The following SEMA3A variants were observed in gnomAD, a reference collection of about 807,000 sequenced individuals.
The protein encoded by SEMA3A is semaphorin-3A.
SEMA3A carries 29 observed loss-of-function variants against 97.9 expected under a neutral mutation model. The ratio of observed to expected loss-of-function variants is 0.30; its 90% CI spans 0.22 to 0.40. The LOEUF is 0.40. Among genes scored for constraint, SEMA3A ranks in the 10% least tolerant of loss-of-function variants. SEMA3A has a pLI of 1.00. For missense variants in SEMA3A, 763 were observed against 951.3 expected (o/e 0.80, Z 2.60); for synonymous variants, 321 against 323.7 (o/e 0.99, Z 0.09).
intron 1 of SEMA3A, among the ~76,000 whole-genome samples, chr7:84,373,488 T>A (rs1015568186): frequency 1.3e-5 from 2 of 152,188 alleles, no homozygotes; most frequent in Non-Finnish European, 2.9e-5. Flanking sequence ...TCTGAAATAA[T>A]ATGAGATCAG....
At chr7:84,266,115 T>G (rs1222690035) in intron 3 of SEMA3A, among the ~76,000 whole-genome samples, 1 of 151,764 alleles carries the variant, frequency 6.6e-6, no homozygotes, top group African/African-American at 2.4e-5. Context: ...GGTCAGGAGT[T>G]CAAGACCAGC....
At chr7:84,402,170 C>T (rs1476818810) in intron 1 of SEMA3A, among the ~76,000 whole-genome samples, 2 of 151,948 alleles carry the variant, frequency 1.3e-5, no homozygotes, top group African/African-American at 2.4e-5. Context: ...CAAAACAAAA[C>T]AAAATCTAAT....
chr7:84,002,534 A>G (rs961784399), intron 11 of SEMA3A, among the ~76,000 whole-genome samples: 1 of 152,170 alleles, frequency 6.6e-6, no homozygotes, highest in African/African-American at 2.4e-5. Flanking sequence ...AATGCAAGGA[A>G]TGTTGTCAAG....
intron 2 of SEMA3A, among the ~76,000 whole-genome samples, chr7:84,330,379 T>C (rs1212013389): frequency 6.6e-6 from 1 of 152,048 alleles, no homozygotes; most frequent in African/African-American, 2.4e-5. Context: ...AATTAGGAAT[T>C]CTAATATCAA....
intron 4 of SEMA3A, among the ~76,000 whole-genome samples, chr7:84,104,619 A>T (rs1248181748): frequency 1.3e-5 from 2 of 152,140 alleles, no homozygotes; most frequent in Non-Finnish European, 2.9e-5. Context: ...GGATTTTGGT[A>T]TCTATTTTTT....
rs974054587 is a variant in SEMA3A at position 84,390,329 on chromosome 7, T to G, written c.-245-18429A>C. 5.2e-5 allele frequency among the ~76,000 whole-genome samples: 6 copies of G among 114,508 alleles called. No homozygotes were observed. In the East Asian group the frequency reaches 1.5e-3, roughly 28 times the overall value. The allele number at this position is 114,508 out of a possible 152,430, so 75.1% of individuals were successfully genotyped here. A position where few individuals can be genotyped will look rare whatever the true frequency, so the allele number is the denominator to read the frequency against. Reference sequence around the variant, plus strand: ...TTTTTAATTGAAAAAGCTTGTGATATTCAAGAATTATTATTATTATTATTA... The same window carrying G: ...TTTTTAATTGAAAAAGCTTGTGATAGTCAAGAATTATTATTATTATTATTA... On this transcript the variant is annotated intron_variant, in intron 1 of 3. Coordinates refer to the SEMA3A transcript ENST00000424555.
chr7:83,961,590 C>A lies in SEMA3A; in HGVS notation c.2097G>T (p.Gln699His), dbSNP rs747166550. ...KEMSNSMTPSQKVWYRDFMQL... is the reference protein window; with the variant it reads ...KEMSNSMTPSHKVWYRDFMQL... ...GCATGAAGTCTCTGTACCAGACCTT[C>A]TGGCTAGGTGTCATGCTATTGGACA... Residue 699 changes from glutamine to histidine, a missense_variant, in exon 17 of 17, where the codon CAG becomes CAT. Physicochemically the swap from Gln to His is conservative, Grantham distance 24. This residue lies in a region of SEMA3A where 678 missense variants were observed against 881.3 expected (regional missense o/e 0.77). Coordinates refer to ENST00000265362, the MANE Select transcript of SEMA3A (RefSeq NM_006080.3). 23 of 1,613,964 alleles carry A rather than the reference C, an allele frequency of 1.4e-5. 1 individual carries two copies. In the Admixed American group the frequency reaches 3.8e-4, roughly 27 times the overall value.
Position 84,221,049 on chromosome 7 carries a change from A to G in SEMA3A, c.-82-26381T>C, listed in dbSNP as rs576009088. On this transcript the variant is annotated intron_variant, in intron 3 of 3. Coordinates refer to the SEMA3A transcript ENST00000424555. ...TCTACTATGAAAATCTGTTTAGTGT[A>G]GTCACCTTCATCAATTACTTAGCTA... 3.9e-5 allele frequency among the ~76,000 whole-genome samples: 6 copies of G among 152,290 alleles called. No individual in the cohort carries two copies. The South Asian group carries it at 6.2e-4, about 16-fold the overall frequency.
At position 84,401,850 on chromosome 7, in the gene SEMA3A, A is replaced by G. The variant is rs1238510695; in HGVS notation, c.-245-29950T>C. 2.0e-5 allele frequency among the ~76,000 whole-genome samples: 3 copies of G among 152,230 alleles called. No individual in the cohort carries two copies. The East Asian group carries it at 5.8e-4, about 29-fold the overall frequency. On this transcript the variant is annotated intron_variant, in intron 1 of 3. Coordinates refer to the SEMA3A transcript ENST00000424555. ...GACCCCTTTATCTGTCATCATATAA[A>G]AAATCAACTCTGGGTTAAAGACAAA...
intron 4 of SEMA3A, among the ~76,000 whole-genome samples, chr7:84,069,661 A>C (rs767392021): frequency 2.0e-5 from 3 of 152,120 alleles, no homozygotes; most frequent in Non-Finnish European, 4.4e-5. Context: ...AATATGAGAC[A>C]TTCTTTCAAA....
chr7:84,414,101 A>G (rs1352462330), intron 1 of SEMA3A, among the ~76,000 whole-genome samples: 2 of 152,094 alleles, frequency 1.3e-5, no homozygotes, highest in Non-Finnish European at 2.9e-5. Flanking sequence ...CCCCGCACCA[A>G]CTTGAGCAAT....
chr7:83,977,281 T>A lies in SEMA3A; in HGVS notation c.1653-85A>T, dbSNP rs996894. 0.015 allele frequency: 6,461 copies of A among 437,736 alleles called. 320 individuals are homozygous for A. The highest frequency in any genetic ancestry group is 0.12 in the African/African-American group (5,611 of 48,558). The allele number at this position is 437,736 out of a possible 1,614,324, so 27.1% of individuals were successfully genotyped here. A position where few individuals can be genotyped will look rare whatever the true frequency, so the allele number is the denominator to read the frequency against. ...GTCATAAGAATGAAGAGAAATAAAA[T>A]ATATATATATATATCATAGACTCTA... On this transcript the variant is annotated intron_variant, in intron 14 of 16. Transcript: ENST00000265362.
intron 2 of SEMA3A, among the ~76,000 whole-genome samples, chr7:84,133,113 G>T (rs934546170): frequency 3.3e-5 from 5 of 152,062 alleles, no homozygotes; most frequent in African/African-American, 1.2e-4. Flanking sequence ...AGTATTTTTC[G>T]ATAATAGATA....
At chr7:84,412,079 A>G (rs1000413406) in intron 1 of SEMA3A, among the ~76,000 whole-genome samples, 23 of 152,174 alleles carry the variant, frequency 1.5e-4, no homozygotes, top group Non-Finnish European at 3.4e-4. Flanking sequence ...GAACTCCTAG[A>G]TGCCATTTAT....
At chr7:84,012,417 C>T (rs998608675) in intron 7 of SEMA3A, among the ~76,000 whole-genome samples, 6 of 152,026 alleles carry the variant, frequency 3.9e-5, no homozygotes, top group South Asian at 2.1e-4. Context: ...TGAATGGATT[C>T]GTTTTGTTTT....
At chr7:84,323,373 T>G (rs1167620977) in intron 2 of SEMA3A, among the ~76,000 whole-genome samples, 1 of 152,120 alleles carries the variant, frequency 6.6e-6, no homozygotes, top group Admixed American at 6.6e-5. Flanking sequence ...CTACATGTTT[T>G]TTGTCACTAA....
At chr7:84,048,167 A>C (rs758571420) in intron 5 of SEMA3A, among the ~76,000 whole-genome samples, 3 of 152,090 alleles carry the variant, frequency 2.0e-5, no homozygotes, top group Non-Finnish European at 4.4e-5. Context: ...CTTGTATGTC[A>C]TCCTAAATTG....
At chr7:84,248,071 T>C (rs1229823580) in intron 3 of SEMA3A, among the ~76,000 whole-genome samples, 7 of 152,194 alleles carry the variant, frequency 4.6e-5, no homozygotes, top group Admixed American at 4.6e-4. Flanking sequence ...AATAAATGCA[T>C]ACATAAATAA....
intron 1 of SEMA3A, among the ~76,000 whole-genome samples, chr7:84,178,970 C>T (rs565657033): frequency 5.3e-5 from 8 of 152,140 alleles, no homozygotes; most frequent in Admixed American, 2.0e-4. Flanking sequence ...GCCTGCCAAA[C>T]GGTTCTTTGA....
Sources: allele counts gnomAD v4.1 joint callset (sites outside exome capture counted in the v4.1 genomes callset), GRCh38; gene constraint gnomAD v4.1.1; regional missense constraint gnomAD v4.1.1; transcripts MANE v1.5; gene names NCBI Gene and HGNC (gene_info 2026-07-23, HGNC 2026-07-21).